Variants in KLHL24 observed in about 807,000 individuals in gnomAD.
KLHL24 encodes kelch-like protein 24.
A neutral mutation model predicts 53.4 loss-of-function variants in KLHL24; 29 were observed. That is an observed-to-expected ratio of 0.54 (90% CI 0.40 to 0.74). The LOEUF (loss-of-function observed/expected upper bound fraction) is 0.74, where lower values mean the gene tolerates loss of function less well. Ranked by LOEUF, KLHL24 falls within the 30% of genes least tolerant of loss-of-function variation. The pLI, the probability that KLHL24 is intolerant of heterozygous loss-of-function variation, is 0.00. For synonymous variants in KLHL24, 222 were observed against 253.7 expected (o/e 0.88, Z 1.19); for missense variants, 504 against 744.0 (o/e 0.68, Z 3.75).
Position 183,679,278 on chromosome 3 carries a change from A to G in KLHL24, c.1795A>G (p.Lys599Glu). Residue 599 changes from lysine to glutamate, a missense_variant, in exon 8 of 8, where the codon AAA (lysine) becomes GAA (glutamate). Physicochemically the swap from Lys to Glu is moderately conservative, Grantham distance 56. Coordinates refer to ENST00000242810, the MANE Select transcript of KLHL24 (RefSeq NM_017644.3). ...TIHRYNEKCF[K>E]L The stretch of plus-strand genomic sequence containing the variant: ...TCATAGATACAATGAGAAATGCTTT[A>G]AACTCTGAAGACAGGATACCTCACC... 5 of 1,613,530 alleles carry G rather than the reference A, an allele frequency of 3.1e-6. No homozygotes were observed. Among genetic ancestry groups the G allele is most frequent in the Non-Finnish European group, 4.2e-6 (5 of 1,179,548 alleles).
intron 1 of KLHL24, among the ~76,000 whole-genome samples, chr3:183,640,101 AAAT>A (rs1402456949): frequency 2.7e-5 from 4 of 149,994 alleles, no homozygotes; most frequent in Admixed American, 1.3e-4. Context: ...TTTGATTATC[AAAT>A]AAAACAATGC....
intron 2 of KLHL24, among the ~76,000 whole-genome samples, chr3:183,649,449 A>G (rs1287888655): frequency 6.6e-6 from 1 of 151,044 alleles, no homozygotes; most frequent in African/African-American, 2.5e-5. Flanking sequence ...AGTATTTTCT[A>G]TCAATACAGC....
rs1172766759 is a variant in KLHL24 at position 183,672,437 on chromosome 3, C to G, written c.1555C>G (p.Pro519Ala). 3 of 1,612,898 alleles carry G rather than the reference C, an allele frequency of 1.9e-6. No homozygotes were observed. In the African/African-American group the frequency reaches 4.0e-5, roughly 22 times the overall value. The change falls in exon 7 of 8, where the codon CCA (proline) becomes GCA (alanine). Residue 519 changes from proline (P) to alanine (A), a missense_variant. By Grantham distance (27) the Pro-to-Ala change is conservative. Transcript: ENST00000242810. ...GACCAAGGCAATATACTGTTACGAT[C>G]CAGTTGAAGATTACTGGATGCACGT... ...GLTKAIYCYD[P>A]VEDYWMHVQN...
rs1712582776 is a variant in KLHL24, at chr3:183,680,645, T to C, written c.*1359T>C. 1 of 152,210 alleles carries C rather than the reference T, an allele frequency of 6.6e-6. No individual in the cohort carries two copies. Among genetic ancestry groups the C allele is most frequent in the African/African-American group, 2.4e-5 (1 of 41,474 alleles). 9.4% of individuals were successfully genotyped at this position (152,210 alleles called of 1,614,324 possible). A position where few individuals can be genotyped will look rare whatever the true frequency, so the allele number is the denominator to read the frequency against. On this transcript the variant is annotated 3_prime_UTR_variant, in exon 8 of 8. Coordinates refer to ENST00000242810, the MANE Select transcript of KLHL24 (RefSeq NM_017644.3). ...TTTTGTCTAGATTTCTCAACTCCAC[T>C]TTATAAAGCTTATCAGTTTTCAGAG...
intron 3 of KLHL24, among the ~76,000 whole-genome samples, chr3:183,655,779 A>G (rs10470355): frequency 0.39 from 59,725 of 151,678 alleles, 15,051 homozygotes; most frequent in African/African-American, 0.73. Context: ...AAAAATTAGC[A>G]GACATGGTGG....
chr3:183,642,602 CAAAAAAAAAAAAAA>C (rs377410456), intron 1 of KLHL24, among the ~76,000 whole-genome samples: 7 of 92,978 alleles, frequency 7.5e-5, no homozygotes, highest in Admixed American at 2.2e-4. Flanking sequence ...CCCCTTCCAC[CAAAAAAAAAAAAAA>C]AAAAAAAAAA....
At chr3:183,654,303 T>A (rs1347448051) in intron 3 of KLHL24, among the ~76,000 whole-genome samples, 4 of 152,228 alleles carry the variant, frequency 2.6e-5, no homozygotes, top group African/African-American at 4.8e-5. Flanking sequence ...TGAAATATTA[T>A]CTGCCTGATT....
intron 5 of KLHL24, among the ~76,000 whole-genome samples, chr3:183,670,773 A>G (rs1393281165): frequency 1.3e-5 from 2 of 152,220 alleles, no homozygotes; most frequent in Non-Finnish European, 2.9e-5. Context: ...AGGTAAATAG[A>G]TACACAATTT....
At chr3:183,675,778 A>T (rs966888543) in intron 7 of KLHL24, among the ~76,000 whole-genome samples, 9 of 149,448 alleles carry the variant, frequency 6.0e-5, no homozygotes, top group South Asian at 2.1e-4. Context: ...AAAAAAATTT[A>T]AAAAAAAAAG....
chr3:183,672,752 T>C, intron 7 of KLHL24: 1 of 182,452 alleles, frequency 5.5e-6, no homozygotes, highest in Non-Finnish European at 1.1e-5. Flanking sequence ...CCCAGCACTT[T>C]GGGAGGCTGA....
chr3:183,679,068 A>G lies in KLHL24; in HGVS notation c.1603-18A>G. ...ATCTTCAATGGTTAATTTTTTGTTT[A>G]TATATTTGGTTAAACAGGAAAACTG... is the stretch of plus-strand genomic sequence containing the variant. On this transcript the variant is annotated intron_variant, in intron 7 of 7. Coordinates refer to ENST00000242810, the MANE Select transcript of KLHL24 (RefSeq NM_017644.3). The G allele has an allele frequency of 6.3e-7, 1 of 1,593,752 alleles. No homozygotes were observed. The highest frequency in any genetic ancestry group is 8.6e-7 in the Non-Finnish European group (1 of 1,162,036).
rs1576950931 is a variant in KLHL24 at position 183,665,109 on chromosome 3, A to C, written c.1224+70A>C. On this transcript the variant is annotated intron_variant, in intron 5 of 7. Coordinates refer to ENST00000242810, the MANE Select transcript of KLHL24 (RefSeq NM_017644.3). ...AGTAAATACCACAGCTGAATCTTTC[A>C]TTTTACTCACCCTCTGGGTATTTTG... 2 of 788,920 alleles carry C rather than the reference A, an allele frequency of 2.5e-6. 1 individual carries two copies. The highest frequency in any genetic ancestry group is 4.0e-5 in the Admixed American group (2 of 50,032). The allele number at this position is 788,920 out of a possible 1,614,324, so 48.9% of individuals were successfully genotyped here. A position where few individuals can be genotyped will look rare whatever the true frequency, so the allele number is the denominator to read the frequency against.
At chr3:183,666,294 C>T (rs1234300740) in intron 5 of KLHL24, among the ~76,000 whole-genome samples, 1 of 151,998 alleles carries the variant, frequency 6.6e-6, no homozygotes, top group Non-Finnish European at 1.5e-5. Flanking sequence ...CAGGTTCTCA[C>T]TCTGTTGCCC....
In KLHL24 at chr3:183,681,337, A is replaced by T. The variant is rs1712655664; in HGVS notation, c.*2051A>T. ...AATGATAGTTGTTATTTTCATGTGT[A>T]TTTGTAAGATCATGTCCATTTCATG... is the stretch of plus-strand genomic sequence containing the variant. On this transcript the variant is annotated 3_prime_UTR_variant, in exon 8 of 8. Transcript: ENST00000242810. 6.6e-6 allele frequency: 1 copy of T among 152,426 alleles called. No individual in the cohort carries two copies. Among genetic ancestry groups the T allele is most frequent in the East Asian group, 1.9e-4 (1 of 5,182 alleles). The allele number at this position is 152,426 out of a possible 1,614,324, so 9.4% of individuals were successfully genotyped here. A position where few individuals can be genotyped will look rare whatever the true frequency, so the allele number is the denominator to read the frequency against.
chr3:183,641,640 C>G (rs941253277), intron 1 of KLHL24, among the ~76,000 whole-genome samples: 3 of 152,066 alleles, frequency 2.0e-5, no homozygotes, highest in African/African-American at 7.2e-5. Context: ...TAGCGTAGAA[C>G]ATAGTATGCA....
In KLHL24 at chr3:183,643,519, T is replaced by G. The variant is rs1716781107; in HGVS notation, c.-85T>G. 6.6e-6 allele frequency: 1 copy of G among 152,234 alleles called. No individual in the cohort carries two copies. 9.4% of individuals were successfully genotyped at this position (152,234 alleles called of 1,614,324 possible). On this transcript the variant is annotated 5_prime_UTR_variant, in exon 2 of 8. Transcript: ENST00000242810. ...AGAACACACATATTTTGACTGGGGC[T>G]TTGATCAACCAAATGCTAAAAAGGT...
At chr3:183,668,301 C>G (rs1720860641) in intron 5 of KLHL24, among the ~76,000 whole-genome samples, 1 of 151,824 alleles carries the variant, frequency 6.6e-6, no homozygotes, top group African/African-American at 2.4e-5. Context: ...ACTGATGTCT[C>G]AAAAACCATG....
chr3:183,646,627 A>T (rs982123238), intron 2 of KLHL24, among the ~76,000 whole-genome samples: 1 of 152,154 alleles, frequency 6.6e-6, no homozygotes, highest in African/African-American at 2.4e-5. Context: ...AACCTGGCAT[A>T]TATCTGTCCA....
At chr3:183,653,303 A>G (rs190278755) in intron 3 of KLHL24, among the ~76,000 whole-genome samples, 1 of 152,268 alleles carries the variant, frequency 6.6e-6, no homozygotes, top group East Asian at 1.9e-4. Context: ...TGTCCCTTAC[A>G]TTTATCTTTC....
Sources: allele counts gnomAD v4.1 joint callset (sites outside exome capture counted in the v4.1 genomes callset), GRCh38; gene constraint gnomAD v4.1.1; transcripts MANE v1.5; gene names NCBI Gene and HGNC (gene_info 2026-07-23, HGNC 2026-07-21).